PATJ: variants seen among roughly 807,000 people sequenced by gnomAD.
PATJ encodes PATJ crumbs cell polarity complex component.
A neutral mutation model predicts 224.9 loss-of-function variants in PATJ; 190 were observed. That is an observed-to-expected ratio of 0.84 (90% CI 0.75 to 0.95). The LOEUF (loss-of-function observed/expected upper bound fraction) is 0.95, where lower values mean the gene tolerates loss of function less well. Among genes scored for constraint, PATJ ranks in the 40% least tolerant of loss-of-function variants. The probability of loss-of-function intolerance (pLI) is 0.00; values close to 1 mark genes in which losing one functional copy is unlikely to be tolerated. For synonymous variants in PATJ, 769 were observed against 820.3 expected, an observed-to-expected ratio of 0.94 and a Z score of 1.07; for missense variants, 2,121 against 2,270.3, an observed-to-expected ratio of 0.93 and a Z score of 1.34.
chr1:62,065,835 A>T (rs1656311765), intron 31 of PATJ, among the ~76,000 whole-genome samples: 1 of 152,166 alleles, frequency 6.6e-6, no homozygotes, highest in Non-Finnish European at 1.5e-5. Flanking sequence ...CAGAACTCAG[A>T]CTTTCTCACA....
At chr1:61,826,055 G>T (rs940286838) in intron 15 of PATJ, among the ~76,000 whole-genome samples, 1 of 152,148 alleles carries the variant, frequency 6.6e-6, no homozygotes, top group African/African-American at 2.4e-5. Flanking sequence ...GCTTGCTGTC[G>T]CCTAGACCTC....
chr1:62,114,156 A>T lies in PATJ; in HGVS notation c.4565A>T (p.His1522Leu). 1 of 1,614,124 alleles carries T rather than the reference A, an allele frequency of 6.2e-7. No homozygotes were observed. The highest frequency in any genetic ancestry group is 1.7e-5 in the Admixed American group (1 of 60,022). Residue 1522 changes from histidine to leucine, a missense_variant, in exon 35 of 44, where the codon CAC becomes CTC. Physicochemically the swap from His to Leu is moderately conservative, Grantham distance 99. Coordinates refer to ENST00000642238, the MANE Select transcript of PATJ (RefSeq NM_001350145.3). Reference sequence around the variant, plus strand: ...CTGGTGGTGTATAGAGATGAGGCACACTACCGGGATGAGGAGAACTTGGAG... The same window carrying T: ...CTGGTGGTGTATAGAGATGAGGCACTCTACCGGGATGAGGAGAACTTGGAG... ...VRLVVYRDEAHYRDEENLEIF... is the reference protein window; with the variant it reads ...VRLVVYRDEALYRDEENLEIF...
chr1:61,826,921 C>T (rs1402405746), intron 15 of PATJ, among the ~76,000 whole-genome samples: 2 of 152,056 alleles, frequency 1.3e-5, no homozygotes, highest in African/African-American at 2.4e-5. Context: ...GCCAAGTATT[C>T]TAGACTTATT....
chr1:61,802,159 T>G (rs1652668083), intron 12 of PATJ, among the ~76,000 whole-genome samples: 1 of 152,104 alleles, frequency 6.6e-6, no homozygotes, highest in African/African-American at 2.4e-5. Flanking sequence ...GGTGGCATGA[T>G]CTCAGCTTAC....
At chr1:61,861,972 C>T (rs1374746643) in intron 19 of PATJ, among the ~76,000 whole-genome samples, 1 of 152,052 alleles carries the variant, frequency 6.6e-6, no homozygotes, top group Non-Finnish European at 1.5e-5. Context: ...AGTGATCCAC[C>T]CACCTCAGCC....
intron 27 of PATJ, among the ~76,000 whole-genome samples, chr1:61,949,224 A>AG (rs1257251241): frequency 6.6e-6 from 1 of 150,686 alleles, no homozygotes; most frequent in Admixed American, 6.6e-5. Flanking sequence ...ATAAAAAAAA[A>AG]GAAAAAAAAA....
intron 27 of PATJ, among the ~76,000 whole-genome samples, chr1:61,945,484 G>A (rs1261259362): frequency 6.6e-6 from 1 of 152,030 alleles, no homozygotes; most frequent in Non-Finnish European, 1.5e-5. Context: ...GACAAAGAAG[G>A]CCATTACATA....
chr1:62,121,568 C>T (rs927370161), intron 38 of PATJ, among the ~76,000 whole-genome samples: 5 of 151,170 alleles, frequency 3.3e-5, no homozygotes, highest in Non-Finnish European at 7.4e-5. Flanking sequence ...GAGATCGAGA[C>T]CATCCTGGCT....
At chr1:61,909,764 T>C (rs913001111) in intron 25 of PATJ, among the ~76,000 whole-genome samples, 1 of 152,242 alleles carries the variant, frequency 6.6e-6, no homozygotes, top group African/African-American at 2.4e-5. Context: ...AATTTTTGTA[T>C]GTCAAGGCAA....
chr1:61,894,406 T>A (rs887404917), intron 22 of PATJ, among the ~76,000 whole-genome samples: 1 of 152,146 alleles, frequency 6.6e-6, no homozygotes, highest in Non-Finnish European at 1.5e-5. Flanking sequence ...CATCTCAAAT[T>A]GTAATCCCCA....
chr1:62,022,537 A>T (rs1465013989), intron 29 of PATJ, among the ~76,000 whole-genome samples: 1 of 152,192 alleles, frequency 6.6e-6, no homozygotes, highest in Non-Finnish European at 1.5e-5. Context: ...CAATTTAAGT[A>T]CAAGAGGAGA....
intron 22 of PATJ, among the ~76,000 whole-genome samples, chr1:61,892,389 T>A (rs1435576316): frequency 3.3e-5 from 5 of 152,088 alleles, no homozygotes; most frequent in African/African-American, 1.2e-4. Flanking sequence ...ACCTTGGCTG[T>A]CTGGAGTCAT....
chr1:61,899,343 A>C (rs1670804979), intron 22 of PATJ, among the ~76,000 whole-genome samples: 1 of 152,232 alleles, frequency 6.6e-6, no homozygotes, highest in African/African-American at 2.4e-5. Context: ...CTAGAATATC[A>C]CTAATAAAAG....
At position 61,923,674 on chromosome 1, in the gene PATJ, T is replaced by C. The variant is rs561388062; in HGVS notation, c.3571-4056T>C. 9.9e-5 allele frequency among the ~76,000 whole-genome samples: 15 copies of C among 152,040 alleles called. 1 individual carries two copies. In the South Asian group the frequency reaches 2.1e-3, roughly 21 times the overall value. On this transcript the variant is annotated intron_variant, in intron 26 of 43. Coordinates refer to ENST00000642238, the MANE Select transcript of PATJ (RefSeq NM_001350145.3). ...GGCTCATGCCTGTAATCCCAGCACT[T>C]TGGGAGGCTGAGGTGGGTGGATCAC...
At chr1:62,106,158 G>GTGTGTGTGTGTATATA (rs1356937495) in intron 33 of PATJ, among the ~76,000 whole-genome samples, 3 of 48,062 alleles carry the variant, frequency 6.2e-5, no homozygotes, top group African/African-American at 2.1e-4. Context: ...GTGTGTGTGT[G>GTGTGTGTGTGTATATA]TATATATATA....
At chr1:62,000,554 T>C (rs565019598) in intron 28 of PATJ, among the ~76,000 whole-genome samples, 1 of 151,336 alleles carries the variant, frequency 6.6e-6, no homozygotes, top group African/African-American at 2.5e-5. Flanking sequence ...TGCATAGTAT[T>C]CCATGGTGTG....
chr1:62,086,704 G>C lies in PATJ; in HGVS notation c.4377+2056G>C, dbSNP rs940315879. Among the ~76,000 whole-genome samples the C allele has an allele frequency of 2.6e-5, 4 of 152,142 alleles. No individual in the cohort carries two copies. The highest frequency in any genetic ancestry group is 2.6e-4 in the Admixed American group (4 of 15,280). On this transcript the variant is annotated intron_variant, in intron 33 of 43. Coordinates refer to ENST00000642238, the MANE Select transcript of PATJ (RefSeq NM_001350145.3). The surrounding 1 kb of genome is among the most constrained non-coding windows in gnomAD (Gnocchi z 4.0). ...TAGGAAACTCAAGAACAGCATAGGC[G>C]ATAGAAACCAGGGTCTTGATGATGC...
At chr1:61,862,551 T>G (rs1379767052) in intron 19 of PATJ, among the ~76,000 whole-genome samples, 2 of 152,150 alleles carry the variant, frequency 1.3e-5, no homozygotes, top group Non-Finnish European at 2.9e-5. Flanking sequence ...CTCTAAATGA[T>G]AAAGGCACGA....
chr1:62,002,086 G>A (rs1329475966), intron 28 of PATJ, among the ~76,000 whole-genome samples: 1 of 152,104 alleles, frequency 6.6e-6, no homozygotes. Context: ...GTATTACAGA[G>A]GTAGCAGGAG....
Sources: gnomAD v4.1 joint callset for allele counts (sites outside exome capture counted in the v4.1 genomes callset) on GRCh38, gnomAD v4.1.1 for gene constraint, Gnocchi (gnomAD v3.1) non-coding constraint, MANE v1.5 for transcripts, NCBI Gene and HGNC (gene_info 2026-07-23, HGNC 2026-07-21) for gene names.